The following SLC35A2 variants were observed in gnomAD, a reference collection of about 807,000 sequenced individuals.
SLC35A2 encodes solute carrier family 35 member A2.
SLC35A2 carries 1 observed loss-of-function variant against 17.3 expected under a neutral mutation model. That is an observed-to-expected ratio of 0.06 (90% CI 0.02 to 0.27). SLC35A2 has a LOEUF of 0.27. SLC35A2 is among the 10% of genes least tolerant of loss of function. The pLI is 1.00. For missense variants in SLC35A2, 191 were observed against 339.3 expected, an observed-to-expected ratio of 0.56 and a Z score of 3.43; for synonymous variants, 161 against 161.3, an observed-to-expected ratio of 1.00 and a Z score of 0.01.
intron 2 of SLC35A2, among the ~76,000 whole-genome samples, chrX:48,909,370 A>G (rs1305706408): frequency 8.8e-6 from 1 of 113,021 alleles, no homozygotes; most frequent in African/African-American, 3.2e-5. Context: ...TTCGTGTGGG[A>G]TTTACTTAAA....
chrX:48,911,732 G>A, upstream of SLC35A2: 2 of 1,156,748 alleles, frequency 1.7e-6, no homozygotes, highest in South Asian at 3.9e-5. Context: ...GGTGGAGCGA[G>A]AGCCGGGATC....
rs2063533064 is a variant in SLC35A2, at chrX:48,911,451, C to A, written c.91+95G>T. 2.8e-6 allele frequency: 3 copies of A among 1,066,767 alleles called. No individual in the cohort carries two copies. The Admixed American group carries it at 7.7e-5, about 28-fold the overall frequency. The allele number at this position is 1,066,767 out of a possible 1,213,427, so 87.9% of individuals were successfully genotyped here. ...ACACACACACACACGTCGGTCCACACGGGATGCTCCCTCTCACTTTAGTGA... is the reference window on the plus strand; with the variant it reads ...ACACACACACACACGTCGGTCCACAAGGGATGCTCCCTCTCACTTTAGTGA... On this transcript the variant is annotated intron_variant, in intron 1 of 4. Transcript: ENST00000247138.
chrX:48,905,919 C>G lies in SLC35A2; in HGVS notation c.427-437G>C, dbSNP rs2518419. ...TATCAGTGTGGTTCTAGGCACTGCA[C>G]GTGAATTCATTCATTTAATTCTCAC... On this transcript the variant is annotated intron_variant, in intron 3 of 4. Transcript: ENST00000247138. 4 of 274,585 alleles carry G rather than the reference C, an allele frequency of 1.5e-5. No homozygotes were observed. In the East Asian group the frequency reaches 2.0e-4, roughly 14 times the overall value. The allele number at this position is 274,585 out of a possible 1,213,427, so 22.6% of individuals were successfully genotyped here.
At chrX:48,904,605 A>C in intron 4 of SLC35A2, 141 bp downstream of exon 4, 1 of 1,203,691 alleles carries the variant, frequency 8.3e-7, no homozygotes, top group South Asian at 1.8e-5. Flanking sequence ...GACCTGGGAG[A>C]AAAGACCATC....
chrX:48,910,000 T>C lies in SLC35A2; in HGVS notation c.92-4A>G. On this transcript the variant is annotated splice_region_variant and splice_polypyrimidine_tract_variant and intron_variant, in intron 1 of 4. Coordinates refer to ENST00000247138, the MANE Select transcript of SLC35A2 (RefSeq NM_005660.3). ...ATGTACTTCAGGCGCCTGTGAGCTGTGGGGAACGGAAGGGGCAAGGGGGAA... is the reference window on the plus strand; with the variant it reads ...ATGTACTTCAGGCGCCTGTGAGCTGCGGGGAACGGAAGGGGCAAGGGGGAA... 1.2e-5 allele frequency: 14 copies of C among 1,203,993 alleles called. No individual in the cohort carries two copies. The highest frequency in any genetic ancestry group is 1.6e-5 in the Non-Finnish European group (14 of 891,008).
At chrX:48,905,920 G>A (rs1187426015) in intron 3 of SLC35A2, 3 of 274,178 alleles carry the variant, frequency 1.1e-5, no homozygotes, top group Admixed American at 6.1e-5. Context: ...GGCACTGCAC[G>A]TGAATTCATT....
At chrX:48,911,396 G>A in intron 1 of SLC35A2, 150 bp downstream of exon 1, 2 of 720,574 alleles carry the variant, frequency 2.8e-6, no homozygotes, top group Non-Finnish European at 4.2e-6. Context: ...TCTCTTCCCC[G>A]CCCCCAACAC....
chrX:48,910,089 A>T (rs889001865), intron 1 of SLC35A2, 93 bp from the exon 2 acceptor site: 3 of 930,949 alleles, frequency 3.2e-6, no homozygotes, highest in Non-Finnish European at 4.5e-6. Context: ...TTTCTCACCC[A>T]GGACCCTCCT....
At position 48,904,894 on chromosome X, in the gene SLC35A2, T is replaced by C. The variant is rs782789576; in HGVS notation, c.1015A>G (p.Ser339Gly). 7 of 1,211,211 alleles carry C rather than the reference T, an allele frequency of 5.8e-6. No homozygotes were observed. The Admixed American group carries it at 1.5e-4, about 26-fold the overall frequency. Residue 339 changes from serine to glycine, a missense_variant, in exon 4 of 5, where the codon AGC (serine) becomes GGC (glycine). Physicochemically the swap from Ser to Gly is moderately conservative, Grantham distance 56 (BLOSUM62 0). This residue lies in a region of SLC35A2 where 164 missense variants were observed against 315.3 expected (regional missense o/e 0.52). Transcript: ENST00000247138. The part of the protein sequence containing the change: ...GLVIGAVYLY[S>G]LPRGAAKAIA... ...GCTTTGGCTGCACCTCGGGGAAGGC[T>C]GTAGAGGTAGACAGCACCAATGACG...
At chrX:48,907,482 C>G (rs782449855) in intron 2 of SLC35A2, among the ~76,000 whole-genome samples, 1 of 111,043 alleles carries the variant, frequency 9.0e-6, no homozygotes, top group Admixed American at 9.6e-5. Flanking sequence ...CTCCTGACCT[C>G]GTGATCCGCC....
chrX:48,910,119 C>A, intron 1 of SLC35A2, 123 bp from the exon 2 acceptor site: 1 of 858,978 alleles, frequency 1.2e-6, no homozygotes, highest in Admixed American at 2.7e-5. Context: ...TACTTGCTCC[C>A]TCAGCCTGCC....
intron 1 of SLC35A2, chrX:48,910,262 T>C: frequency 1.7e-6 from 2 of 1,150,409 alleles, no homozygotes; most frequent in African/African-American, 1.8e-5. Flanking sequence ...TGTCAGGTAA[T>C]GGCTGAGGCA....
intron 1 of SLC35A2, among the ~76,000 whole-genome samples, chrX:48,910,761 T>C (rs1251720088): frequency 1.8e-5 from 2 of 110,516 alleles, no homozygotes; most frequent in African/African-American, 6.6e-5. Context: ...AAGAAATGAT[T>C]CCCACATGCT....
chrX:48,910,878 C>T (rs782257689), intron 1 of SLC35A2, among the ~76,000 whole-genome samples: 1 of 110,633 alleles, frequency 9.0e-6, no homozygotes, highest in East Asian at 2.8e-4. Flanking sequence ...GTCTGCCCTC[C>T]CACCACCGCA....
At chrX:48,905,629 C>T in intron 3 of SLC35A2, 147 bp from the exon 4 acceptor site, 1 of 494,430 alleles carries the variant, frequency 2.0e-6, no homozygotes, top group South Asian at 4.1e-5. Context: ...GAGCCAGCCA[C>T]TGGCCATTGG....
upstream of SLC35A2, chrX:48,911,733 A>G: frequency 8.6e-7 from 1 of 1,156,557 alleles, no homozygotes; most frequent in Non-Finnish European, 1.2e-6. Flanking sequence ...GTGGAGCGAG[A>G]GCCGGGATCG....
Position 48,911,588 on chromosome X carries a change from C to T in SLC35A2, c.49G>A (p.Ala17Thr). 2 of 1,165,483 alleles carry T rather than the reference C, an allele frequency of 1.7e-6. No homozygotes were observed. Among genetic ancestry groups the T allele is most frequent in the Non-Finnish European group, 1.1e-6 (1 of 875,381 alleles). The change falls in exon 1 of 5, where the codon GCG becomes ACG. Residue 17 changes from alanine (A) to threonine (T), a missense_variant. By Grantham distance (58) the Ala-to-Thr change is moderately conservative (BLOSUM62 0). This residue lies in a region of SLC35A2 where 27 missense variants were observed against 24.0 expected (regional missense o/e 1.12). Transcript: ENST00000247138. The part of the protein sequence containing the change: ...GGSTAAPGPG[A>T]VSAGALEPGT... ...GGCTCCAATGCACCCGCGGAAACCG[C>T]CCCTGGCCCGGGCGCCGCGGTGGAA... is the stretch of plus-strand genomic sequence containing the variant.
At chrX:48,909,685 G>C (rs2063517342) in intron 2 of SLC35A2, 129 bp downstream of exon 2, 1 of 576,021 alleles carries the variant, frequency 1.7e-6, no homozygotes, top group Admixed American at 3.3e-5. Context: ...GCTACGCATA[G>C]CTGGAGTGGC....
At chrX:48,907,180 A>AG (rs1262178256) in intron 2 of SLC35A2, among the ~76,000 whole-genome samples, 1 of 109,521 alleles carries the variant, frequency 9.1e-6, no homozygotes, top group Non-Finnish European at 1.9e-5. Context: ...AAAAAAAAAA[A>AG]AAAGAAAGAA....
Sources: allele counts gnomAD v4.1 joint callset (sites outside exome capture counted in the v4.1 genomes callset), GRCh38; gene constraint gnomAD v4.1.1; regional missense constraint gnomAD v4.1.1; transcripts MANE v1.5; gene names NCBI Gene and HGNC (gene_info 2026-07-23, HGNC 2026-07-21).